Variants in SIMC1 observed in about 807,000 individuals in gnomAD.
SIMC1 encodes the protein SUMO interacting motifs containing 1, also known as SUMO-interacting motif-containing protein 1.
Under a neutral mutation model 82.3 loss-of-function variants are expected in SIMC1, and 55 were observed. The ratio of observed to expected loss-of-function variants is 0.67; its 90% CI spans 0.54 to 0.84. The LOEUF is 0.84. Among genes scored for constraint, SIMC1 ranks in the 40% least tolerant of loss-of-function variants. SIMC1 has a pLI of 0.00. For synonymous variants in SIMC1, 353 were observed against 426.3 expected (o/e 0.83, Z 2.12); for missense variants, 915 against 1,107.2 (o/e 0.83, Z 2.46).
rs183312259 is a variant in SIMC1 at position 176,259,185 on chromosome 5, G to A, written c.129+20548G>A. The stretch of plus-strand genomic sequence containing the variant: ...TTCCCATTTTAAATTATAAACATTA[G>A]GCTGGGCATGGTGGCTCACGCCAGT... On this transcript the variant is annotated intron_variant, in intron 1 of 9. Transcript: ENST00000429602. Among the ~76,000 whole-genome samples the A allele has an allele frequency of 3.7e-3, 563 of 152,244 alleles. 3 individuals are homozygous for A. Among genetic ancestry groups the A allele is most frequent in the African/African-American group, 0.013 (535 of 41,544 alleles).
intron 5 of SIMC1, among the ~76,000 whole-genome samples, chr5:176,316,386 G>A (rs935276001): frequency 6.6e-6 from 1 of 151,692 alleles, no homozygotes; most frequent in African/African-American, 2.4e-5. Flanking sequence ...GGCATTTAAG[G>A]CTGGGCGTGG....
At chr5:176,311,089 G>C (rs967804707) in intron 4 of SIMC1, among the ~76,000 whole-genome samples, 1 of 152,194 alleles carries the variant, frequency 6.6e-6, no homozygotes, top group Non-Finnish European at 1.5e-5. Flanking sequence ...AAAGGGAACT[G>C]TAAGTGCCCA....
intron 9 of SIMC1, among the ~76,000 whole-genome samples, chr5:176,339,677 T>C (rs1766046861): frequency 6.6e-6 from 1 of 152,240 alleles, no homozygotes; most frequent in African/African-American, 2.4e-5. Context: ...TATTACAGAA[T>C]ATTTTTTATG....
chr5:176,283,158 C>T (rs932941956), intron 1 of SIMC1, among the ~76,000 whole-genome samples: 72 of 152,242 alleles, frequency 4.7e-4, no homozygotes, highest in African/African-American at 1.6e-3. Context: ...CATTCAAATT[C>T]GGGAAGTATA....
intron 7 of SIMC1, among the ~76,000 whole-genome samples, chr5:176,329,980 G>C (rs560465907): frequency 2.0e-5 from 3 of 152,114 alleles, no homozygotes; most frequent in African/African-American, 7.2e-5. Context: ...ATACACATAC[G>C]TCTGTGTGTA....
At chr5:176,339,708 G>A (rs1766048242) in intron 9 of SIMC1, among the ~76,000 whole-genome samples, 1 of 152,144 alleles carries the variant, frequency 6.6e-6, no homozygotes, top group Admixed American at 6.5e-5. Flanking sequence ...AGAGAGAAAG[G>A]CCTCAAACCA....
rs979585995 is a variant in SIMC1, at chr5:176,345,613, C to T, written c.*168C>T. The T allele has an allele frequency of 5.2e-6, 3 of 578,982 alleles. No individual in the cohort carries two copies. In the African/African-American group the frequency reaches 5.7e-5, roughly 11 times the overall value. 35.9% of individuals were successfully genotyped at this position (578,982 alleles called of 1,614,324 possible). On this transcript the variant is annotated 3_prime_UTR_variant, in exon 10 of 10. Transcript: ENST00000429602. Reference sequence around the variant, plus strand: ...TAGTAAATATCTTTTTTTAAATAATCCTATCCTAGCCTGTTCTCAAATATG... The same window carrying T: ...TAGTAAATATCTTTTTTTAAATAATTCTATCCTAGCCTGTTCTCAAATATG...
At chr5:176,308,199 C>A in intron 4 of SIMC1, 2 of 1,488,770 alleles carry the variant, frequency 1.3e-6, no homozygotes, top group African/African-American at 1.4e-5. Flanking sequence ...AACAATGATA[C>A]AAGGAGTGAC....
intron 5 of SIMC1, among the ~76,000 whole-genome samples, chr5:176,314,539 T>C (rs745524998): frequency 3.3e-5 from 5 of 152,230 alleles, no homozygotes; most frequent in Non-Finnish European, 7.3e-5. Context: ...TTGTCACTAC[T>C]AGTTTCTGGA....
chr5:176,262,837 A>G (rs559043665), intron 1 of SIMC1, among the ~76,000 whole-genome samples: 2 of 152,028 alleles, frequency 1.3e-5, no homozygotes, highest in East Asian at 3.9e-4. Flanking sequence ...TTGGGAAGGA[A>G]GAAATAAAAT....
At chr5:176,343,217 C>T (rs1331620439) in intron 9 of SIMC1, among the ~76,000 whole-genome samples, 5 of 152,098 alleles carry the variant, frequency 3.3e-5, no homozygotes, top group Non-Finnish European at 7.4e-5. Flanking sequence ...CCTGATATAC[C>T]ACTTAAAATG....
chr5:176,330,547 A>C (rs1765603729), intron 7 of SIMC1, among the ~76,000 whole-genome samples: 1 of 152,204 alleles, frequency 6.6e-6, no homozygotes, highest in East Asian at 1.9e-4. Context: ...GTCAAAAGAC[A>C]CAGGAGTCAG....
chr5:176,303,115 G>A (rs1764111261), intron 4 of SIMC1, among the ~76,000 whole-genome samples: 2 of 151,858 alleles, frequency 1.3e-5, no homozygotes, highest in African/African-American at 2.4e-5. Context: ...AGAAGTTGAT[G>A]TCTTTAGCCG....
chr5:176,313,232 C>A (rs1359343629), intron 4 of SIMC1: 1 of 1,320,626 alleles, frequency 7.6e-7, no homozygotes, highest in Non-Finnish European at 9.8e-7. Context: ...GCACAGGAGT[C>A]ATTAAAGAAC....
In SIMC1 at chr5:176,286,977, C is replaced by T. The variant is rs533564069; in HGVS notation, c.130-2677C>T. 5.9e-5 allele frequency among the ~76,000 whole-genome samples: 9 copies of T among 152,198 alleles called. No individual in the cohort carries two copies. The South Asian group carries it at 1.5e-3, about 25-fold the overall frequency. ...TGGCAATCATTAAAAAGTCAGGAAACGACAGGTGCTTGAGAGGATGTGAAG... is the reference window on the plus strand; with the variant it reads ...TGGCAATCATTAAAAAGTCAGGAAATGACAGGTGCTTGAGAGGATGTGAAG... On this transcript the variant is annotated intron_variant, in intron 1 of 9. Coordinates refer to ENST00000429602, the MANE Select transcript of SIMC1 (RefSeq NM_001308195.2).
chr5:176,268,520 G>T (rs1258697973), intron 1 of SIMC1, among the ~76,000 whole-genome samples: 1 of 150,118 alleles, frequency 6.7e-6, no homozygotes, highest in Non-Finnish European at 1.5e-5. Context: ...CAAGAAATTT[G>T]TAGTAACTCT....
At chr5:176,320,996 C>T (rs2113365944) in intron 5 of SIMC1, among the ~76,000 whole-genome samples, 1 of 152,216 alleles carries the variant, frequency 6.6e-6, no homozygotes, top group South Asian at 2.1e-4. Flanking sequence ...TGACAATTAC[C>T]TCACCCCTCA....
At chr5:176,257,152 C>T (rs1761873598) in intron 1 of SIMC1, among the ~76,000 whole-genome samples, 1 of 152,104 alleles carries the variant, frequency 6.6e-6, no homozygotes, top group African/African-American at 2.4e-5. Flanking sequence ...CATAACTTTC[C>T]TGTTTTATTT....
intron 1 of SIMC1, among the ~76,000 whole-genome samples, chr5:176,284,522 G>C (rs779903210): frequency 6.6e-6 from 1 of 152,184 alleles, no homozygotes; most frequent in African/African-American, 2.4e-5. Flanking sequence ...TACATTTAAA[G>C]CAGTGTGTAG....
Sources: gnomAD v4.1 joint callset for allele counts (sites outside exome capture counted in the v4.1 genomes callset) on GRCh38, gnomAD v4.1.1 for gene constraint, MANE v1.5 for transcripts, NCBI Gene and HGNC (gene_info 2026-07-23, HGNC 2026-07-21) for gene names.